Variants in TP53BP1 observed in about 807,000 individuals in gnomAD.
TP53BP1 encodes tumor protein p53 binding protein 1, also known as TP53-binding protein 1.
TP53BP1 carries 61 observed loss-of-function variants against 200.8 expected under a neutral mutation model. The observed-to-expected ratio is 0.30, with a 90% CI of 0.25 to 0.38. The LOEUF (loss-of-function observed/expected upper bound fraction) is 0.38. TP53BP1 is among the 10% of genes least tolerant of loss of function. The pLI is 1.00. For missense variants in TP53BP1, 2,144 were observed against 2,371.9 expected, an observed-to-expected ratio of 0.90 and a Z score of 2.00; for synonymous variants, 822 against 844.3, an observed-to-expected ratio of 0.97 and a Z score of 0.46.
intron 18 of TP53BP1, among the ~76,000 whole-genome samples, chr15:43,424,314 C>G (rs2045476161): frequency 6.6e-6 from 1 of 152,160 alleles, no homozygotes; most frequent in Non-Finnish European, 1.5e-5. Flanking sequence ...TATCTTCACC[C>G]CTTCCCTAGT....
At chr15:43,408,874 C>T in intron 26 of TP53BP1, 23 bp downstream of exon 26, 3 of 1,612,364 alleles carry the variant, frequency 1.9e-6, no homozygotes, top group Non-Finnish European at 2.5e-6. Context: ...CTATACAATT[C>T]TGGATGGGCT....
Position 43,492,153 on chromosome 15 carries a change from C to A in TP53BP1, c.193-58G>T. ...TATATGAAATAGTTCAAAATGAAAC[C>A]TACTATTTGTGAACAATTTTTCCAA... On this transcript the variant is annotated intron_variant, in intron 2 of 27. Transcript: ENST00000382044. The A allele has an allele frequency of 2.7e-6, 4 of 1,509,228 alleles. No individual in the cohort carries two copies. The South Asian group carries it at 4.6e-5, about 17-fold the overall frequency. The allele number at this position is 1,509,228 out of a possible 1,614,324, so 93.5% of individuals were successfully genotyped here. A position where few individuals can be genotyped will look rare whatever the true frequency, so the allele number is the denominator to read the frequency against.
chr15:43,459,855 T>C (rs1460879848), intron 11 of TP53BP1, among the ~76,000 whole-genome samples: 1 of 152,008 alleles, frequency 6.6e-6, no homozygotes, highest in African/African-American at 2.4e-5. Context: ...CTTTTAGAAA[T>C]GGGATCCTGC....
chr15:43,465,413 T>C (rs1409578041), intron 11 of TP53BP1, among the ~76,000 whole-genome samples: 1 of 152,066 alleles, frequency 6.6e-6, no homozygotes, highest in Non-Finnish European at 1.5e-5. Context: ...ATAGCCACTG[T>C]TTTTTTAATG....
intron 5 of TP53BP1, 85 bp from the exon 6 acceptor site, chr15:43,480,102 C>G: frequency 7.7e-7 from 1 of 1,291,894 alleles, no homozygotes; most frequent in Non-Finnish European, 1.1e-6. Context: ...AGGAGGGTCC[C>G]GTTAAGTCCT....
chr15:43,415,541 C>G (rs762755070), intron 23 of TP53BP1, 53 bp downstream of exon 23: 10 of 1,584,074 alleles, frequency 6.3e-6, no homozygotes, highest in Non-Finnish European at 8.7e-6. Flanking sequence ...CAGCAGCTGA[C>G]CCTGCATTCT....
Position 43,407,158 on chromosome 15 carries a change from A to G in TP53BP1, c.*225T>C, listed in dbSNP as rs913823905. The stretch of plus-strand genomic sequence containing the variant: ...TGTTGAAAGACTCAGAGAAAGTACT[A>G]TGTCTTGTCATTTGTTCTGAGATTA... On this transcript the variant is annotated 3_prime_UTR_variant, in exon 28 of 28. Transcript: ENST00000382044. The G allele has an allele frequency of 3.9e-5, 20 of 515,014 alleles. No individual in the cohort carries two copies. Among genetic ancestry groups the G allele is most frequent in the African/African-American group, 3.8e-4 (20 of 52,458 alleles). 31.9% of individuals were successfully genotyped at this position (515,014 alleles called of 1,614,324 possible).
intron 1 of TP53BP1, among the ~76,000 whole-genome samples, chr15:43,499,276 G>C (rs1051573191): frequency 6.6e-6 from 1 of 152,136 alleles, no homozygotes; most frequent in African/African-American, 2.4e-5. Context: ...AGGGTGGAGA[G>C]GGGGAGGAGG....
upstream of TP53BP1, chr15:43,493,194 A>T (rs2140161487): frequency 6.8e-7 from 1 of 1,462,458 alleles, no homozygotes; most frequent in East Asian, 2.5e-5. Context: ...CGGATCGTCC[A>T]TTCGCTGCCG....
In TP53BP1 at chr15:43,455,964, A is replaced by G. The variant is rs61758068; in HGVS notation, c.2644T>C (p.Ser882Pro). 5.0e-6 allele frequency: 8 copies of G among 1,614,052 alleles called. No homozygotes were observed. Among genetic ancestry groups the G allele is most frequent in the Non-Finnish European group, 6.8e-6 (8 of 1,180,040 alleles). The change falls in exon 12 of 28, where the codon TCA becomes CCA. Residue 882 changes from serine to proline, a missense_variant. Coordinates refer to ENST00000382044, the MANE Select transcript of TP53BP1 (RefSeq NM_001141980.3). ...CCCAGCTTCTGGGCCTCTGCATCTG[A>G]GCTTAGCTGCTTTGCATTAGCCATT... ...SKMANAKQLS[S>P]DAEAQKLGKP...
At chr15:43,478,898 A>G (rs2078921340) in intron 7 of TP53BP1, among the ~76,000 whole-genome samples, 1 of 152,224 alleles carries the variant, frequency 6.6e-6, no homozygotes, top group South Asian at 2.1e-4. Context: ...AGTCATGCTT[A>G]TAGTTAGAGC....
chr15:43,404,637 T>G lies in TP53BP1; in HGVS notation c.*2746A>C. On this transcript the variant is annotated 3_prime_UTR_variant, in exon 28 of 28. Coordinates refer to ENST00000382044, the MANE Select transcript of TP53BP1 (RefSeq NM_001141980.3). ...AGAATTCTAGAACTGGAAGAAGACT[T>G]TAGTCCAAATACCCTCATTTTATAA... 1 of 1,420,520 alleles carries G rather than the reference T, an allele frequency of 7.0e-7. No homozygotes were observed. Among genetic ancestry groups the G allele is most frequent in the Non-Finnish European group, 9.7e-7 (1 of 1,030,268 alleles). The allele number at this position is 1,420,520 out of a possible 1,614,324, so 88.0% of individuals were successfully genotyped here.
chr15:43,455,815 A>G, intron 12 of TP53BP1, 77 bp downstream of exon 12: 1 of 1,518,306 alleles, frequency 6.6e-7, no homozygotes. Flanking sequence ...TCCTGACATA[A>G]GCATGCAGTT....
chr15:43,442,377 T>C (rs769543273), intron 14 of TP53BP1, among the ~76,000 whole-genome samples: 40 of 152,116 alleles, frequency 2.6e-4, no homozygotes, highest in Admixed American at 2.6e-4. Flanking sequence ...AGAGCCACTG[T>C]GCCCGGCTGG....
chr15:43,504,555 T>G (rs944585870), intron 1 of TP53BP1, among the ~76,000 whole-genome samples: 23 of 152,180 alleles, frequency 1.5e-4, no homozygotes, highest in Non-Finnish European at 2.9e-4. Flanking sequence ...CTTAAATCCT[T>G]TGTGGAATGA....
At chr15:43,421,492 A>G (rs937597235) in intron 19 of TP53BP1, among the ~76,000 whole-genome samples, 4 of 152,222 alleles carry the variant, frequency 2.6e-5, no homozygotes, top group African/African-American at 9.6e-5. Flanking sequence ...AAAGAATAAC[A>G]AAAAGCTAGG....
Position 43,404,317 on chromosome 15 carries a change from A to G in TP53BP1, c.*3066T>C. On this transcript the variant is annotated 3_prime_UTR_variant, in exon 28 of 28. Coordinates refer to ENST00000382044, the MANE Select transcript of TP53BP1 (RefSeq NM_001141980.3). ...CAGGTGGTTCTGTAGAATTTTGAAC[A>G]AGGCTTTTCCAAGAAACTCCTCCCT... 2 of 1,492,416 alleles carry G rather than the reference A, an allele frequency of 1.3e-6. No homozygotes were observed. Among genetic ancestry groups the G allele is most frequent in the Middle Eastern group, 2.0e-4 (1 of 4,906 alleles). The allele number at this position is 1,492,416 out of a possible 1,614,324, so 92.4% of individuals were successfully genotyped here.
At chr15:43,507,647 T>C (rs897135176) in intron 1 of TP53BP1, among the ~76,000 whole-genome samples, 5 of 152,330 alleles carry the variant, frequency 3.3e-5, no homozygotes, top group Non-Finnish European at 4.4e-5. Flanking sequence ...CTTATACATA[T>C]GTATCAGAGC....
At chr15:43,427,162 A>C (rs2045559397) in intron 18 of TP53BP1, among the ~76,000 whole-genome samples, 1 of 152,230 alleles carries the variant, frequency 6.6e-6, no homozygotes, top group Non-Finnish European at 1.5e-5. Flanking sequence ...ATGTAAACAA[A>C]GTCAGCATAG....
Sources: gnomAD v4.1 joint callset for allele counts (sites outside exome capture counted in the v4.1 genomes callset) on GRCh38, gnomAD v4.1.1 for gene constraint, MANE v1.5 for transcripts, NCBI Gene and HGNC (gene_info 2026-07-23, HGNC 2026-07-21) for gene names.